CLMN: variants seen among roughly 807,000 people sequenced by gnomAD.
CLMN encodes the protein calmin.
Under a neutral mutation model 92.7 loss-of-function variants are expected in CLMN, and 57 were observed. That is an observed-to-expected ratio of 0.61 (90% CI 0.50 to 0.77). CLMN has a LOEUF of 0.77. Ranked by LOEUF, CLMN falls within the 30% of genes least tolerant of loss-of-function variation. The probability of loss-of-function intolerance (pLI) is 0.00; values close to 1 mark genes in which losing one functional copy is unlikely to be tolerated. For synonymous variants in CLMN, 466 were observed against 470.6 expected (o/e 0.99, Z 0.13); for missense variants, 1,158 against 1,237.5 (o/e 0.94, Z 0.96).
intron 1 of CLMN, among the ~76,000 whole-genome samples, chr14:95,261,631 C>A (rs1471448599): frequency 1.3e-5 from 2 of 152,212 alleles, no homozygotes; most frequent in African/African-American, 2.4e-5. Flanking sequence ...TCACTCTCAG[C>A]AGTGAGAGTC....
At chr14:95,276,775 C>T (rs1339301374) in intron 1 of CLMN, among the ~76,000 whole-genome samples, 30 of 152,108 alleles carry the variant, frequency 2.0e-4, no homozygotes, top group Admixed American at 2.0e-3. Flanking sequence ...TGAGCCTTGC[C>T]AGGTGGATAC....
At chr14:95,193,754 A>G (rs1406034840) in intron 12 of CLMN, 95 bp downstream of exon 12, 7 of 1,419,926 alleles carry the variant, frequency 4.9e-6, no homozygotes, top group South Asian at 1.3e-5. Flanking sequence ...GTTATCAACA[A>G]AGCAGTGGGA....
chr14:95,271,610 G>T (rs1899713416), intron 1 of CLMN, among the ~76,000 whole-genome samples: 1 of 152,204 alleles, frequency 6.6e-6, no homozygotes, highest in African/African-American at 2.4e-5. Context: ...AAGGACAAGA[G>T]AACAGAGTAG....
chr14:95,301,843 G>A (rs968131673), intron 1 of CLMN, among the ~76,000 whole-genome samples: 3 of 152,172 alleles, frequency 2.0e-5, no homozygotes, highest in African/African-American at 7.2e-5. Flanking sequence ...CCTCCAACCA[G>A]ACAATTCACT....
rs186523834 is a variant in CLMN, at chr14:95,267,860, C to T, written c.83-37727G>A. ...TTCGGCCATAAAAAAGAAATCCTGT[C>T]GGTTGCAGCAATATGGATGAAACTG... On this transcript the variant is annotated intron_variant, in intron 1 of 12. Transcript: ENST00000298912. Among the ~76,000 whole-genome samples, 213 of 152,272 alleles carry T rather than the reference C, an allele frequency of 1.4e-3. 1 individual carries two copies. Among genetic ancestry groups the T allele is most frequent in the African/African-American group, 5.0e-3 (207 of 41,548 alleles).
intron 1 of CLMN, among the ~76,000 whole-genome samples, chr14:95,257,808 G>A (rs1462139682): frequency 6.6e-6 from 1 of 152,240 alleles, no homozygotes; most frequent in Non-Finnish European, 1.5e-5. Context: ...CAGGACCTAT[G>A]CTGAGCCTCT....
chr14:95,232,434 C>T (rs1897919976), intron 1 of CLMN, among the ~76,000 whole-genome samples: 1 of 152,150 alleles, frequency 6.6e-6, no homozygotes, highest in Non-Finnish European at 1.5e-5. Flanking sequence ...GACTTTTTTC[C>T]TCTTGGCCTC....
chr14:95,223,076 T>G (rs148516743), intron 3 of CLMN, among the ~76,000 whole-genome samples: 1 of 152,356 alleles, frequency 6.6e-6, no homozygotes, highest in East Asian at 1.9e-4. Context: ...TGCCCCCTCA[T>G]GGAACATTTC....
At chr14:95,216,682 T>C (rs1197979730) in intron 4 of CLMN, among the ~76,000 whole-genome samples, 1 of 152,186 alleles carries the variant, frequency 6.6e-6, no homozygotes, top group Non-Finnish European at 1.5e-5. Flanking sequence ...TCTGCACCAT[T>C]AGAAAAGATC....
intron 1 of CLMN, among the ~76,000 whole-genome samples, chr14:95,306,018 C>A (rs1003977951): frequency 5.3e-5 from 8 of 152,198 alleles, no homozygotes; most frequent in African/African-American, 1.9e-4. Context: ...CCCAGGCACT[C>A]TCTCTCAGGA....
At chr14:95,244,393 A>G (rs1449332011) in intron 1 of CLMN, among the ~76,000 whole-genome samples, 2 of 152,174 alleles carry the variant, frequency 1.3e-5, no homozygotes, top group African/African-American at 4.8e-5. Flanking sequence ...CACACTCCCA[A>G]TTATTGGTCC....
At chr14:95,307,730 GGAGAGAGCCAGCTCTCCAA>G (rs1486866367) in intron 1 of CLMN, 1 of 150,180 alleles carries the variant, frequency 6.7e-6, no homozygotes, top group African/African-American at 2.5e-5. Context: ...GCTCTCTCTT[GGAGAGAGCCAGCTCTCCAA>G]GAGAGAGCTC....
chr14:95,237,934 C>T (rs1898111817), intron 1 of CLMN, among the ~76,000 whole-genome samples: 1 of 152,210 alleles, frequency 6.6e-6, no homozygotes, highest in Non-Finnish European at 1.5e-5. Flanking sequence ...CTCACATCAG[C>T]CACGCAATCT....
intron 1 of CLMN, among the ~76,000 whole-genome samples, chr14:95,245,212 A>ATATATATATATAATATATATATATAT (rs1898455499): frequency 3.2e-5 from 1 of 31,006 alleles, no homozygotes; most frequent in African/African-American, 1.9e-4. Flanking sequence ...TATATATTAT[A>ATATATATATATAATATATATATATAT]TATATATATA....
intron 1 of CLMN, among the ~76,000 whole-genome samples, chr14:95,283,485 T>C (rs2883063): frequency 0.072 from 10,922 of 151,978 alleles, 529 homozygotes; most frequent in South Asian, 0.15. Flanking sequence ...CAGGCAGAGG[T>C]TGGAACAGTT....
intron 1 of CLMN, among the ~76,000 whole-genome samples, chr14:95,308,307 T>C (rs1254948296): frequency 6.6e-6 from 1 of 152,230 alleles, no homozygotes; most frequent in Non-Finnish European, 1.5e-5. Context: ...GCTGACATCT[T>C]GCCCAACATC....
intron 1 of CLMN, among the ~76,000 whole-genome samples, chr14:95,304,671 T>G (rs2140785406): frequency 6.6e-6 from 1 of 152,254 alleles, no homozygotes; most frequent in African/African-American, 2.4e-5. Flanking sequence ...ACAATTGTAC[T>G]GATTGTACAG....
At position 95,221,682 on chromosome 14, in the gene CLMN, A is replaced by T; in HGVS notation, c.324+9T>A. 6.2e-7 allele frequency: 1 copy of T among 1,612,250 alleles called. No individual in the cohort carries two copies. The highest frequency in any genetic ancestry group is 2.2e-5 in the East Asian group (1 of 44,874). On this transcript the variant is annotated intron_variant, in intron 4 of 12. Coordinates refer to ENST00000298912, the MANE Select transcript of CLMN (RefSeq NM_024734.4). ...GCTTGTGTTAGCAGGATGAGCTTCA[A>T]ACACTTACATTGCTATCTTCCAAAA...
chr14:95,194,674 G>C lies in CLMN; in HGVS notation c.2709-78C>G. 2 of 1,404,286 alleles carry C rather than the reference G, an allele frequency of 1.4e-6. No homozygotes were observed. Among genetic ancestry groups the C allele is most frequent in the Non-Finnish European group, 2.0e-6 (2 of 989,674 alleles). The allele number at this position is 1,404,286 out of a possible 1,614,324, so 87.0% of individuals were successfully genotyped here. On this transcript the variant is annotated intron_variant, in intron 10 of 12. Transcript: ENST00000298912. The surrounding 1 kb of genome is among the most constrained non-coding windows in gnomAD (Gnocchi z 4.0). Reference sequence around the variant, plus strand: ...TCAGTTGTACGGTCACCCCCATCCTGGGGTTTCCACGTATGGGTTTAGGCA... The same window carrying C: ...TCAGTTGTACGGTCACCCCCATCCTCGGGTTTCCACGTATGGGTTTAGGCA...
Sources: gnomAD v4.1 joint callset for allele counts (sites outside exome capture counted in the v4.1 genomes callset) on GRCh38, gnomAD v4.1.1 for gene constraint, Gnocchi (gnomAD v3.1) non-coding constraint, MANE v1.5 for transcripts, NCBI Gene and HGNC (gene_info 2026-07-23, HGNC 2026-07-21) for gene names.